Variants in PLEKHD1 observed in about 807,000 individuals in gnomAD.
PLEKHD1 encodes the protein pleckstrin homology and coiled-coil domain containing D1.
PLEKHD1 carries 51 observed loss-of-function variants against 69.2 expected under a neutral mutation model. That is an observed-to-expected ratio of 0.74 (90% CI 0.59 to 0.93). The LOEUF (loss-of-function observed/expected upper bound fraction) is 0.93. Ranked by LOEUF, PLEKHD1 falls within the 40% of genes least tolerant of loss-of-function variation. The pLI, the probability that PLEKHD1 is intolerant of heterozygous loss-of-function variation, is 0.00. For synonymous variants in PLEKHD1, 236 were observed against 244.7 expected (o/e 0.96, Z 0.33); for missense variants, 584 against 641.0 (o/e 0.91, Z 0.96).
chr14:69,476,669 G>T, the PLEKHD1 span, among the ~76,000 whole-genome samples: 1 of 152,336 alleles, frequency 6.6e-6, no homozygotes, highest in African/African-American at 2.4e-5. Flanking sequence ...AGACTGAGGA[G>T]ACAGCAAGTG....
chr14:69,512,082 G>T (rs925536636), intron 6 of PLEKHD1, among the ~76,000 whole-genome samples: 1 of 152,182 alleles, frequency 6.6e-6, no homozygotes. Context: ...ATAGATATAG[G>T]CCTATTCAAA....
chr14:69,525,035 A>G (rs1408324893), intron 8 of PLEKHD1, among the ~76,000 whole-genome samples: 1 of 151,662 alleles, frequency 6.6e-6, no homozygotes, highest in Non-Finnish European at 1.5e-5. Context: ...ACTTCTATTC[A>G]CCCTTCTAAG....
chr14:69,469,154 A>G, the PLEKHD1 span, among the ~76,000 whole-genome samples: 3 of 152,152 alleles, frequency 2.0e-5, no homozygotes, highest in Non-Finnish European at 4.4e-5. Context: ...CCTTTCTTGC[A>G]TAAGCAAACA....
intron 1 of PLEKHD1, among the ~76,000 whole-genome samples, chr14:69,490,587 T>C (rs772267766): frequency 2.2e-4 from 33 of 152,328 alleles, no homozygotes; most frequent in Non-Finnish European, 3.7e-4. Flanking sequence ...ACTAAGTTTT[T>C]TGAGCCCCCT....
chr14:69,497,548 C>T (rs953088386), intron 1 of PLEKHD1, among the ~76,000 whole-genome samples: 22 of 152,218 alleles, frequency 1.4e-4, no homozygotes, highest in African/African-American at 4.6e-4. Context: ...GGAAGGGTCC[C>T]GCTGGCTGAA....
intron 5 of PLEKHD1, 53 bp from the exon 6 acceptor site, chr14:69,502,774 A>G (rs906065411): frequency 2.3e-5 from 35 of 1,548,832 alleles, no homozygotes; most frequent in Non-Finnish European, 2.9e-5. Flanking sequence ...TCAGGACCTC[A>G]GAGCACTTTC....
At chr14:69,498,106 A>ATTTTATTTTATTTTATTT (rs1491301174) in intron 1 of PLEKHD1, among the ~76,000 whole-genome samples, 3 of 141,572 alleles carry the variant, frequency 2.1e-5, no homozygotes, top group African/African-American at 8.1e-5. Context: ...ATTTTATTTT[A>ATTTTATTTTATTTTATTT]GAGAGTCTTG....
rs1052553572 is a variant in PLEKHD1 at position 69,528,199 on chromosome 14, C to G, written c.1352-51C>G. The stretch of plus-strand genomic sequence containing the variant: ...CATGAGGCTGGGGACAGGGCCAGGC[C>G]TTCGTGGAGGGAGCACTGTTCACAG... On this transcript the variant is annotated intron_variant, in intron 12 of 12. Coordinates refer to ENST00000322564, the MANE Select transcript of PLEKHD1 (RefSeq NM_001161498.2). The G allele has an allele frequency of 1.9e-6, 3 of 1,545,216 alleles. No homozygotes were observed. The African/African-American group carries it at 4.1e-5, about 21-fold the overall frequency.
chr14:69,469,824 C>T, the PLEKHD1 span, among the ~76,000 whole-genome samples: 1 of 151,996 alleles, frequency 6.6e-6, no homozygotes, highest in East Asian at 1.9e-4. Context: ...CAGGTTCAGG[C>T]ATCCTTCTGC....
At chr14:69,498,651 C>CTCT (rs1882950682) in intron 1 of PLEKHD1, among the ~76,000 whole-genome samples, 1 of 140,222 alleles carries the variant, frequency 7.1e-6, no homozygotes, top group Non-Finnish European at 1.6e-5. Context: ...CTCTTCTCTT[C>CTCT]TCTTCTCTTC....
At chr14:69,486,060 T>C (rs1180678851) in intron 1 of PLEKHD1, among the ~76,000 whole-genome samples, 4 of 152,190 alleles carry the variant, frequency 2.6e-5, no homozygotes, top group Non-Finnish European at 4.4e-5. Context: ...AGTTCTGAGA[T>C]TCACTACTGG....
chr14:69,475,477 G>A, the PLEKHD1 span, among the ~76,000 whole-genome samples: 1 of 152,106 alleles, frequency 6.6e-6, no homozygotes, highest in Non-Finnish European at 1.5e-5. Context: ...TCCCAAAAAC[G>A]CTTCTGCATT....
At chr14:69,523,892 G>A (rs1264306183) in intron 7 of PLEKHD1, among the ~76,000 whole-genome samples, 1 of 152,226 alleles carries the variant, frequency 6.6e-6, no homozygotes, top group South Asian at 2.1e-4. Flanking sequence ...ATGACCATGG[G>A]TTCTAGCAAG....
chr14:69,514,347 T>C (rs1028102682), intron 6 of PLEKHD1, among the ~76,000 whole-genome samples: 1 of 152,098 alleles, frequency 6.6e-6, no homozygotes, highest in Non-Finnish European at 1.5e-5. Context: ...TCCTCGGCCA[T>C]GTCCAGTCTC....
At position 69,528,405 on chromosome 14, in the gene PLEKHD1, C is replaced by T. The variant is rs564838906; in HGVS notation, c.1507C>T (p.Arg503Trp). 9.2e-5 allele frequency: 142 copies of T among 1,550,954 alleles called. No individual in the cohort carries two copies. The highest frequency in any genetic ancestry group is 1.6e-4 in the Admixed American group (8 of 51,000). ...GCCTGGAGCCCCCTCGGCACTCTCC[C>T]GGGGTGGAAAGTGATGGGCGCTCCT... ...TQPGAPSALSRGGK is the reference protein window; with the variant it reads ...TQPGAPSALSWGGK Residue 503 changes from arginine (R) to tryptophan (W), a missense_variant, in exon 13 of 13, where the codon CGG (arginine) becomes TGG (tryptophan). Coordinates refer to ENST00000322564, the MANE Select transcript of PLEKHD1 (RefSeq NM_001161498.2).
At chr14:69,489,815 C>G (rs181910514) in intron 1 of PLEKHD1, among the ~76,000 whole-genome samples, 182 of 152,146 alleles carry the variant, frequency 1.2e-3, no homozygotes, top group African/African-American at 4.1e-3. Flanking sequence ...TCCAAGACTC[C>G]CCACCCACTT....
At chr14:69,508,728 C>G (rs1328835065) in intron 6 of PLEKHD1, among the ~76,000 whole-genome samples, 2 of 152,206 alleles carry the variant, frequency 1.3e-5, no homozygotes, top group Non-Finnish European at 2.9e-5. Context: ...GAGCTTTACA[C>G]AGCCCTCCAT....
chr14:69,508,621 G>A lies in PLEKHD1; in HGVS notation c.555+5742G>A, dbSNP rs529622319. 1.4e-4 allele frequency among the ~76,000 whole-genome samples: 21 copies of A among 152,180 alleles called. No homozygotes were observed. The East Asian group carries it at 3.1e-3, about 22-fold the overall frequency. ...TTGTTGCCTGCCACAATCCCTGGTG[G>A]ACTGAACAAATGGGGGCAAACATGG... is the stretch of plus-strand genomic sequence containing the variant. On this transcript the variant is annotated intron_variant, in intron 6 of 12. Transcript: ENST00000322564.
intron 7 of PLEKHD1, among the ~76,000 whole-genome samples, chr14:69,522,676 A>G (rs955920689): frequency 9.2e-5 from 14 of 152,082 alleles, no homozygotes; most frequent in African/African-American, 3.1e-4. Context: ...TCTCTCACCC[A>G]GGGCCAGACA....
Sources: gnomAD v4.1 joint callset for allele counts (sites outside exome capture counted in the v4.1 genomes callset) on GRCh38, gnomAD v4.1.1 for gene constraint, MANE v1.5 for transcripts, NCBI Gene and HGNC (gene_info 2026-07-23, HGNC 2026-07-21) for gene names.